The following CHRM2 variants were observed in gnomAD, a reference collection of about 807,000 sequenced individuals.
The protein encoded by CHRM2 is muscarinic acetylcholine receptor M2.
A neutral mutation model predicts 25.0 loss-of-function variants in CHRM2; 8 were observed. The ratio of observed to expected loss-of-function variants is 0.32; its 90% CI spans 0.19 to 0.58. CHRM2 has a LOEUF of 0.58. Ranked by LOEUF, CHRM2 falls within the 20% of genes least tolerant of loss-of-function variation. The pLI is 0.88. For synonymous variants in CHRM2, 202 were observed against 205.7 expected, an observed-to-expected ratio of 0.98 and a Z score of 0.15; for missense variants, 440 against 567.1, an observed-to-expected ratio of 0.78 and a Z score of 2.28.
chr7:136,915,019 C>T (rs1161188457), intron 2 of CHRM2, among the ~76,000 whole-genome samples: 1 of 151,678 alleles, frequency 6.6e-6, no homozygotes, highest in Admixed American at 6.6e-5. Flanking sequence ...AAGTGTCAGC[C>T]CTATATGAAG....
At chr7:136,950,438 C>T (rs1800340526) in intron 2 of CHRM2, among the ~76,000 whole-genome samples, 1 of 152,124 alleles carries the variant, frequency 6.6e-6, no homozygotes, top group African/African-American at 2.4e-5. Context: ...CATGGAACCT[C>T]CCATGATACC....
chr7:136,901,197 C>G (rs1797187528), intron 2 of CHRM2, among the ~76,000 whole-genome samples: 1 of 151,950 alleles, frequency 6.6e-6, no homozygotes, highest in Non-Finnish European at 1.5e-5. Context: ...AATTCCATTT[C>G]CAAGATCCAG....
At chr7:136,892,798 C>T (rs1002794292) in intron 2 of CHRM2, among the ~76,000 whole-genome samples, 2 of 151,662 alleles carry the variant, frequency 1.3e-5, no homozygotes, top group Non-Finnish European at 2.9e-5. Context: ...GCCTCCTGGG[C>T]AGCTGGGATT....
chr7:136,986,619 G>A (rs984271089), intron 2 of CHRM2, among the ~76,000 whole-genome samples: 5 of 152,078 alleles, frequency 3.3e-5, no homozygotes, highest in Admixed American at 6.6e-5. Context: ...TTGTTCTTCC[G>A]TAATTTGCCT....
intron 2 of CHRM2, among the ~76,000 whole-genome samples, chr7:136,942,635 C>CA (rs1799837934): frequency 6.6e-6 from 1 of 152,188 alleles, no homozygotes; most frequent in Non-Finnish European, 1.5e-5. Context: ...ACACATCACT[C>CA]CTTGACAGAG....
intron 3 of CHRM2, among the ~76,000 whole-genome samples, chr7:137,009,809 C>A (rs895252376): frequency 6.6e-6 from 1 of 151,968 alleles, no homozygotes; most frequent in Admixed American, 6.6e-5. Flanking sequence ...TGTTAATTAT[C>A]ATTACCAGTA....
At chr7:136,949,521 TG>T (rs1800271214) in intron 2 of CHRM2, among the ~76,000 whole-genome samples, 1 of 150,252 alleles carries the variant, frequency 6.7e-6, no homozygotes, top group Non-Finnish European at 1.5e-5. Context: ...CTAGCTACTT[TG>T]GAGGCTGAGG....
chr7:136,909,208 T>C (rs1341579610), intron 2 of CHRM2, among the ~76,000 whole-genome samples: 1 of 151,998 alleles, frequency 6.6e-6, no homozygotes, highest in Non-Finnish European at 1.5e-5. Flanking sequence ...TCATGATGGA[T>C]ATTTGTGAGA....
chr7:136,885,184 A>C (rs1254275063), intron 2 of CHRM2, among the ~76,000 whole-genome samples: 1 of 152,224 alleles, frequency 6.6e-6, no homozygotes, highest in Non-Finnish European at 1.5e-5. Context: ...ATTCTGTGAC[A>C]GTTTATCATC....
intron 2 of CHRM2, among the ~76,000 whole-genome samples, chr7:136,962,241 T>C (rs1047869195): frequency 2.2e-5 from 3 of 138,002 alleles, no homozygotes; most frequent in African/African-American, 5.5e-5. Context: ...CAAGTGATTC[T>C]CATGCCTCAG....
intron 2 of CHRM2, among the ~76,000 whole-genome samples, chr7:136,991,016 G>T (rs1803192169): frequency 6.6e-6 from 1 of 152,090 alleles, no homozygotes; most frequent in African/African-American, 2.4e-5. Flanking sequence ...ATCTGTATAT[G>T]TTTTCTGGTG....
intron 3 of CHRM2, among the ~76,000 whole-genome samples, chr7:137,012,745 T>G (rs1311208026): frequency 6.6e-6 from 1 of 152,012 alleles, no homozygotes; most frequent in African/African-American, 2.4e-5. Context: ...GTGAACATAC[T>G]TGAGTAGACC....
intron 3 of CHRM2, among the ~76,000 whole-genome samples, chr7:136,994,562 C>A (rs1460059794): frequency 3.3e-5 from 2 of 60,744 alleles, no homozygotes; most frequent in East Asian, 5.0e-4. Context: ...CGGAGTTTCG[C>A]TTTTGTTGCC....
chr7:136,882,613 T>C (rs770892781), intron 2 of CHRM2, among the ~76,000 whole-genome samples: 5 of 152,128 alleles, frequency 3.3e-5, no homozygotes, highest in Non-Finnish European at 7.4e-5. Context: ...TACTGAGTTA[T>C]TCCTTTCTGA....
chr7:136,989,939 C>T (rs910949378), intron 2 of CHRM2, among the ~76,000 whole-genome samples: 5 of 152,126 alleles, frequency 3.3e-5, no homozygotes, highest in African/African-American at 1.2e-4. Context: ...CAGCCACCTC[C>T]CTTCACCTCT....
Position 136,883,315 on chromosome 7 carries a change from T to G in CHRM2, c.-125+13897T>G, listed in dbSNP as rs117998113. Among the ~76,000 whole-genome samples the G allele has an allele frequency of 3.3e-4, 50 of 152,264 alleles. No homozygotes were observed. In the East Asian group the frequency reaches 5.8e-3, roughly 18 times the overall value. ...TACAGTTTCAGGCAGTACAAAGTAG[T>G]GGATAAGTATATTCAGTTTGGAGAC... On this transcript the variant is annotated intron_variant, in intron 2 of 3. Coordinates refer to ENST00000680005, the MANE Select transcript of CHRM2 (RefSeq NM_001006630.2).
At chr7:136,887,513 G>A (rs746459085) in intron 2 of CHRM2, among the ~76,000 whole-genome samples, 1 of 152,042 alleles carries the variant, frequency 6.6e-6, no homozygotes, top group Non-Finnish European at 1.5e-5. Context: ...CTGTGCCATT[G>A]CCTGAAATAC....
intron 2 of CHRM2, among the ~76,000 whole-genome samples, chr7:136,926,408 A>G (rs1798754397): frequency 1.3e-5 from 2 of 152,210 alleles, no homozygotes; most frequent in Admixed American, 6.5e-5. Flanking sequence ...ACATTTTGGC[A>G]TCACTGTCTG....
rs563908546 is a variant in CHRM2 at position 137,017,748 on chromosome 7, G to A, written c.*1482G>A. On this transcript the variant is annotated 3_prime_UTR_variant, in exon 4 of 4. Coordinates refer to ENST00000680005, the MANE Select transcript of CHRM2 (RefSeq NM_001006630.2). The stretch of plus-strand genomic sequence containing the variant: ...AGCTTACAGAATCTGACAGAAGGAG[G>A]TAGGTGGCTGTTGCCATGCCACATC... 1 of 152,032 alleles carries A rather than the reference G, an allele frequency of 6.6e-6. No homozygotes were observed. Among genetic ancestry groups the A allele is most frequent in the East Asian group, 1.9e-4 (1 of 5,142 alleles). The allele number at this position is 152,032 out of a possible 1,614,324, so 9.4% of individuals were successfully genotyped here. A position where few individuals can be genotyped will look rare whatever the true frequency, so the allele number is the denominator to read the frequency against.
Sources: gnomAD v4.1 joint callset for allele counts (sites outside exome capture counted in the v4.1 genomes callset) on GRCh38, gnomAD v4.1.1 for gene constraint, MANE v1.5 for transcripts, NCBI Gene and HGNC (gene_info 2026-07-23, HGNC 2026-07-21) for gene names.